Variants in PLEKHG4B observed in about 807,000 individuals in gnomAD.
The protein encoded by PLEKHG4B is pleckstrin homology and RhoGEF domain containing G4B.
A neutral mutation model predicts 121.3 loss-of-function variants in PLEKHG4B; 111 were observed. That is an observed-to-expected ratio of 0.92 (90% CI 0.78 to 1.07). The LOEUF (loss-of-function observed/expected upper bound fraction) is 1.07. Ranked by LOEUF, PLEKHG4B falls within the 50% of genes least tolerant of loss-of-function variation. The pLI is 0.00. For missense variants in PLEKHG4B, 1,831 were observed against 1,757.8 expected (o/e 1.04, Z -0.74); for synonymous variants, 738 against 725.0 (o/e 1.02, Z -0.29).
intron 6 of PLEKHG4B, among the ~76,000 whole-genome samples, chr5:146,482 C>T (rs1178850468): frequency 1.4e-5 from 2 of 147,468 alleles, no homozygotes; most frequent in Non-Finnish European, 3.0e-5. Context: ...AATCCTCTCT[C>T]CTCCCCTCCA....
In PLEKHG4B at chr5:162,990, G is replaced by GC; in HGVS notation, c.2924dup (p.His977AlafsTer2). On this transcript the variant is annotated frameshift_variant, in exon 13 of 20. Transcript: ENST00000637938. LOFTEE classifies it high-confidence loss of function. ...CCCAGCTTACCGCCCCTTGCCCAGA[G>GC]CCCCCCAAAGCATGAGCGTGCCCAG... 5.7e-6 allele frequency: 9 copies of GC among 1,567,114 alleles called. No homozygotes were observed. The highest frequency in any genetic ancestry group is 1.2e-5 in the South Asian group (1 of 85,356).
chr5:95,229 C>A (rs747354349), intron 1 of PLEKHG4B, among the ~76,000 whole-genome samples: 2 of 152,216 alleles, frequency 1.3e-5, no homozygotes, highest in Non-Finnish European at 2.9e-5. Flanking sequence ...GAGGCTGACA[C>A]AGCCTGGACG....
intron 1 of PLEKHG4B, among the ~76,000 whole-genome samples, chr5:112,474 C>G (rs1267967624): frequency 5.3e-5 from 8 of 152,228 alleles, no homozygotes; most frequent in Non-Finnish European, 1.2e-4. Flanking sequence ...CAGTTCTTTT[C>G]TACAGACATG....
intron 11 of PLEKHG4B, among the ~76,000 whole-genome samples, 176 bp from the exon 12 acceptor site, chr5:161,607 C>T (rs557154052): frequency 1.6e-4 from 17 of 108,314 alleles, no homozygotes; most frequent in African/African-American, 5.7e-4. Context: ...TGGAAAAGAA[C>T]TAGAGAAATG....
rs746370171 is a variant in PLEKHG4B at position 162,843 on chromosome 5, G to A, written c.2771G>A (p.Gly924Asp). 1.1e-5 allele frequency: 17 copies of A among 1,514,454 alleles called. No homozygotes were observed. Among genetic ancestry groups the A allele is most frequent in the Non-Finnish European group, 1.4e-5 (16 of 1,131,234 alleles). 93.8% of individuals were successfully genotyped at this position (1,514,454 alleles called of 1,614,324 possible). ...GCTGCAGAGGCCTTCCCCGGGGCAG[G>A]TGTGGCAGTGCTGAAGCCTCATGCC... ...SVAAEAFPGA[G>D]VAVLKPHALG... Residue 924 changes from glycine (G) to aspartate (D), a missense_variant, in exon 13 of 20, where the codon GGT (glycine) becomes GAT (aspartate). Transcript: ENST00000637938.
At chr5:160,469 C>G (rs138770840) in intron 11 of PLEKHG4B, among the ~76,000 whole-genome samples, 28 of 152,204 alleles carry the variant, frequency 1.8e-4, no homozygotes, top group African/African-American at 6.7e-4. Context: ...AATGGAGCCC[C>G]TAAACAGTGT....
chr5:110,234 GGCCACTCTGCAACACACA>G, intron 1 of PLEKHG4B, among the ~76,000 whole-genome samples: 1 of 117,426 alleles, frequency 8.5e-6, no homozygotes, highest in Admixed American at 9.8e-5. Flanking sequence ...TGCACACACC[GGCCACTCTGCAACACACA>G]TGCACACATC....
intron 1 of PLEKHG4B, among the ~76,000 whole-genome samples, chr5:94,180 A>G (rs976076729): frequency 3.9e-5 from 6 of 152,210 alleles, no homozygotes; most frequent in Admixed American, 3.9e-4. Context: ...TTCTCCCCTC[A>G]AGGGCCCTGA....
chr5:129,892 T>C (rs1734729427), intron 2 of PLEKHG4B, among the ~76,000 whole-genome samples: 1 of 152,196 alleles, frequency 6.6e-6, no homozygotes, highest in Non-Finnish European at 1.5e-5. Flanking sequence ...CAAAGGAATG[T>C]ACAACTTAGA....
At chr5:97,051 G>A (rs959716549) in intron 1 of PLEKHG4B, among the ~76,000 whole-genome samples, 41 of 152,138 alleles carry the variant, frequency 2.7e-4, no homozygotes, top group Non-Finnish European at 7.3e-5. Context: ...TTATTCCAAA[G>A]TCAAACCCCT....
At chr5:142,041 C>T (rs1455167065) in intron 3 of PLEKHG4B, among the ~76,000 whole-genome samples, 1 of 152,222 alleles carries the variant, frequency 6.6e-6, no homozygotes, top group Non-Finnish European at 1.5e-5. Context: ...AGTTAGGCTG[C>T]TGTGCCTGGA....
At chr5:96,215 T>G (rs188100039) in intron 1 of PLEKHG4B, among the ~76,000 whole-genome samples, 1 of 152,340 alleles carries the variant, frequency 6.6e-6, no homozygotes, top group East Asian at 1.9e-4. Flanking sequence ...CTTAATCACC[T>G]TTAGTCTTGA....
chr5:106,945 C>G (rs192749306), intron 1 of PLEKHG4B, among the ~76,000 whole-genome samples: 2 of 152,156 alleles, frequency 1.3e-5, no homozygotes, highest in African/African-American at 4.8e-5. Flanking sequence ...GTATGTGTGC[C>G]CACATGTGGA....
chr5:130,147 C>A (rs1167642584), intron 2 of PLEKHG4B, among the ~76,000 whole-genome samples: 1 of 151,998 alleles, frequency 6.6e-6, no homozygotes, highest in African/African-American at 2.4e-5. Flanking sequence ...AAGAGTGACA[C>A]CACAAAGAGA....
Position 140,644 on chromosome 5 carries a change from C to T in PLEKHG4B, c.1405C>T (p.His469Tyr). Residue 469 changes from histidine to tyrosine, a missense_variant, in exon 3 of 20, where the codon CAC (histidine) becomes TAC (tyrosine). By Grantham distance (83) the His-to-Tyr change is moderately conservative. Transcript: ENST00000637938. ...CTCAGCAGGCTCCAGGCCTGGGGGCCACCTAGGAGGACAAGCTGTGGGGAC... is the reference window on the plus strand; with the variant it reads ...CTCAGCAGGCTCCAGGCCTGGGGGCTACCTAGGAGGACAAGCTGTGGGGAC... The part of the protein sequence containing the change: ...HHSAGSRPGG[H>Y]LGGQAVGTPN... 1 of 1,608,838 alleles carries T rather than the reference C, an allele frequency of 6.2e-7. No homozygotes were observed.
chr5:110,841 C>T (rs751781932), intron 1 of PLEKHG4B, among the ~76,000 whole-genome samples: 4 of 152,264 alleles, frequency 2.6e-5, no homozygotes, highest in South Asian at 4.1e-4. Context: ...GGAAGGCCCT[C>T]GGGTTTGAAG....
Position 182,293 on chromosome 5 carries a change from T to G in PLEKHG4B, c.4854T>G (p.Ala1618=). The change falls in exon 20 of 20, where the codon GCT becomes GCG. Residue 1618 remains alanine, a synonymous_variant. Transcript: ENST00000637938. ...TQAAVCEGAP[A]VLLSRTRQA Reference sequence around the variant, plus strand: ...CTGCAGTGTGTGAGGGGGCTCCTGCTGTGCTGCTGAGCCGCACACGCCAGG... The same window carrying G: ...CTGCAGTGTGTGAGGGGGCTCCTGCGGTGCTGCTGAGCCGCACACGCCAGG... The G allele has an allele frequency of 6.2e-7, 1 of 1,611,210 alleles. No homozygotes were observed. The highest frequency in any genetic ancestry group is 1.1e-5 in the South Asian group (1 of 90,830).
chr5:144,281 A>G (rs1203414738), intron 5 of PLEKHG4B: 1 of 152,454 alleles, frequency 6.6e-6, no homozygotes, highest in African/African-American at 2.4e-5. Flanking sequence ...GAAGTTTCTA[A>G]TCACAATCAC....
rs1735095654 is a variant in PLEKHG4B at position 139,797 on chromosome 5, C to T, written c.558C>T (p.Ala186=). The T allele has an allele frequency of 5.0e-6, 2 of 399,140 alleles. No individual in the cohort carries two copies. The highest frequency in any genetic ancestry group is 8.8e-6 in the Non-Finnish European group (2 of 226,396). The allele number at this position is 399,140 out of a possible 1,614,324, so 24.7% of individuals were successfully genotyped here. A position where few individuals can be genotyped will look rare whatever the true frequency, so the allele number is the denominator to read the frequency against. Residue 186 remains alanine, a synonymous_variant, in exon 3 of 20, where the codon GCC becomes GCT. Coordinates refer to ENST00000637938, the MANE Select transcript of PLEKHG4B (RefSeq NM_052909.5). This position sits in a 1 kb window ranked among gnomAD's most constrained non-coding sequence, Gnocchi z 5.0. The part of the protein sequence containing the change: ...LQTCLLTSGL[A]VHRAPWSDVT... ...CCTGCTTGCTGACCTCAGGCTTGGC[C>T]GTCCACCGAGCCCCGTGGAGCGACG...
Sources: allele counts gnomAD v4.1 joint callset (sites outside exome capture counted in the v4.1 genomes callset), GRCh38; gene constraint gnomAD v4.1.1; non-coding constraint Gnocchi (gnomAD v3.1); transcripts MANE v1.5; gene names NCBI Gene and HGNC (gene_info 2026-07-23, HGNC 2026-07-21).